Variants in CYFIP2 observed in about 807,000 individuals in gnomAD.
CYFIP2 encodes the protein cytoplasmic FMR1 interacting protein 2, also known as cytoplasmic FMR1-interacting protein 2.
A neutral mutation model predicts 158.7 loss-of-function variants in CYFIP2; 29 were observed. The observed-to-expected ratio is 0.18, with a 90% confidence interval of 0.14 to 0.25. The LOEUF (loss-of-function observed/expected upper bound fraction) is 0.25, where lower values mean the gene tolerates loss of function less well. CYFIP2 is among the 10% of genes least tolerant of loss of function. CYFIP2 has a pLI of 1.00. For missense variants in CYFIP2, 852 were observed against 1,639.5 expected (o/e 0.52, Z 8.29); for synonymous variants, 585 against 617.6 (o/e 0.95, Z 0.78).
intron 26 of CYFIP2, among the ~76,000 whole-genome samples, chr5:157,369,637 G>A (rs936188792): frequency 1.3e-5 from 2 of 152,156 alleles, no homozygotes; most frequent in African/African-American, 4.8e-5. Context: ...CCAGAGCCTT[G>A]GTTATGTAGT....
In CYFIP2 at chr5:157,365,848, C is replaced by T. The variant is rs77865954; in HGVS notation, c.3039+4250C>T. Among the ~76,000 whole-genome samples the T allele has an allele frequency of 1.9e-3, 272 of 143,972 alleles. 1 individual carries two copies. The highest frequency in any genetic ancestry group is 6.6e-3 in the African/African-American group (255 of 38,388). The allele number at this position is 143,972 out of a possible 152,430, so 94.5% of individuals were successfully genotyped here. On this transcript the variant is annotated intron_variant, in intron 26 of 30. Transcript: ENST00000620254. ...TTGTAGATGATCCATTTTTTATTAC[C>T]GAATCAGTTACTCTAGTATTCTCAT...
chr5:157,347,330 T>G (rs1017637525), intron 23 of CYFIP2, among the ~76,000 whole-genome samples: 1 of 148,196 alleles, frequency 6.7e-6, no homozygotes, highest in Non-Finnish European at 1.5e-5. Flanking sequence ...AAGAGCCGCC[T>G]TGGTGAGTTG....
Position 157,393,199 on chromosome 5 carries a change from G to C in CYFIP2, c.*199G>C. The stretch of plus-strand genomic sequence containing the variant: ...ACATCTCCATGCTGGTTTCTCCATA[G>C]CATAAATGAAAAAAAAAAAAAAAAA... On this transcript the variant is annotated 3_prime_UTR_variant, in exon 31 of 31. Coordinates refer to ENST00000620254, the MANE Select transcript of CYFIP2 (RefSeq NM_001037333.3). 2 of 366,230 alleles carry C rather than the reference G, an allele frequency of 5.5e-6. No individual in the cohort carries two copies. The allele number at this position is 366,230 out of a possible 1,614,324, so 22.7% of individuals were successfully genotyped here. A position where few individuals can be genotyped will look rare whatever the true frequency, so the allele number is the denominator to read the frequency against.
At chr5:157,341,654 G>A (rs1762267222) in intron 23 of CYFIP2, 1 of 157,600 alleles carries the variant, frequency 6.3e-6, no homozygotes, top group South Asian at 1.8e-4. Flanking sequence ...GCAAAAGTCT[G>A]GGTGCCGAGC....
chr5:157,296,428 T>C, intron 4 of CYFIP2: 1 of 478,422 alleles, frequency 2.1e-6, no homozygotes, highest in Non-Finnish European at 4.1e-6. Flanking sequence ...ACACCATCCC[T>C]ACACCAACTA....
At chr5:157,388,012 G>A (rs1251023949) in intron 28 of CYFIP2, among the ~76,000 whole-genome samples, 7 of 152,156 alleles carry the variant, frequency 4.6e-5, no homozygotes, top group Admixed American at 2.6e-4. Context: ...GTGAGCTTCC[G>A]GGGTAGGTCA....
chr5:157,272,661 C>A (rs1203268716), intron 1 of CYFIP2, among the ~76,000 whole-genome samples: 1 of 152,110 alleles, frequency 6.6e-6, no homozygotes, highest in African/African-American at 2.4e-5. Context: ...CACTTTCTTA[C>A]ACCATCTCCC....
At position 157,299,332 on chromosome 5, in the gene CYFIP2, G is replaced by A. The variant is rs148804842; in HGVS notation, c.388-1383G>A. 6.0e-3 allele frequency among the ~76,000 whole-genome samples: 909 copies of A among 152,142 alleles called. 5 individuals are homozygous for A. Among genetic ancestry groups the A allele is most frequent in the African/African-American group, 0.021 (856 of 41,514 alleles). On this transcript the variant is annotated intron_variant, in intron 5 of 30. Coordinates refer to ENST00000620254, the MANE Select transcript of CYFIP2 (RefSeq NM_001037333.3). ...ATCTCTCTGCCTCCTTCCTGTACTC[G>A]CTCCGCTTCAGCCACCCTGGCTTCC...
chr5:157,336,058 C>T (rs367720591), intron 21 of CYFIP2, among the ~76,000 whole-genome samples: 21 of 152,154 alleles, frequency 1.4e-4, no homozygotes, highest in African/African-American at 5.1e-4. Context: ...GGGAAGCGCT[C>T]TCCGATGGGT....
At chr5:157,339,603 G>A (rs1386079915) in intron 22 of CYFIP2, among the ~76,000 whole-genome samples, 1 of 152,194 alleles carries the variant, frequency 6.6e-6, no homozygotes, top group Non-Finnish European at 1.5e-5. Flanking sequence ...GGATGTGGGT[G>A]ATCAATCACA....
At chr5:157,392,757 G>A (rs1767436868) in intron 30 of CYFIP2, 76 bp from the exon 31 acceptor site, 2 of 1,531,866 alleles carry the variant, frequency 1.3e-6, no homozygotes, top group East Asian at 2.3e-5. Context: ...CTGGACCTCA[G>A]TGACTTCTCC....
At chr5:157,339,709 A>G (rs1250248136) in intron 22 of CYFIP2, among the ~76,000 whole-genome samples, 6 of 152,236 alleles carry the variant, frequency 3.9e-5, no homozygotes, top group Admixed American at 1.3e-4. Flanking sequence ...CAGTCCAAAA[A>G]GTCATGCAAA....
At chr5:157,272,053 C>T (rs77907011) in intron 1 of CYFIP2, among the ~76,000 whole-genome samples, 2,599 of 152,328 alleles carry the variant, frequency 0.017, 34 homozygotes, top group Non-Finnish European at 0.028. Flanking sequence ...GGTTTGGTGT[C>T]ACCACAAAGG....
Position 157,339,040 on chromosome 5 carries a change from G to C in CYFIP2, c.2386-17G>C. The C allele has an allele frequency of 1.9e-6, 3 of 1,602,064 alleles. No individual in the cohort carries two copies. Among genetic ancestry groups the C allele is most frequent in the Non-Finnish European group, 2.6e-6 (3 of 1,173,106 alleles). ...ACAAGCAAGTCCTCAGCAGTTGTGG[G>C]CTCTCTCTCTGTACAGGAGCTGGAG... On this transcript the variant is annotated splice_polypyrimidine_tract_variant and intron_variant, in intron 21 of 30. Transcript: ENST00000620254.
Position 157,360,056 on chromosome 5 carries a change from G to C in CYFIP2, c.2818-226G>C, listed in dbSNP as rs537381443. 3.9e-5 allele frequency among the ~76,000 whole-genome samples: 6 copies of C among 152,306 alleles called. No homozygotes were observed. In the South Asian group the frequency reaches 1.0e-3, roughly 26 times the overall value. ...TATAAGCATCCTCAGCCCCAGGAAA[G>C]ACCCTACACCTAGAAATGTGCCCTC... On this transcript the variant is annotated intron_variant, in intron 24 of 30. Transcript: ENST00000620254.
chr5:157,290,514 C>T (rs60839968), intron 3 of CYFIP2, among the ~76,000 whole-genome samples: 3,015 of 152,100 alleles, frequency 0.02, 94 homozygotes, highest in African/African-American at 0.068. Flanking sequence ...CACCACCACC[C>T]GCCTACCCCC....
In CYFIP2 at chr5:157,374,225, G is replaced by A. The variant is rs574316351; in HGVS notation, c.3040-8365G>A. 1.7e-3 allele frequency among the ~76,000 whole-genome samples: 261 copies of A among 152,314 alleles called. 1 individual carries two copies. Among genetic ancestry groups the A allele is most frequent in the Non-Finnish European group, 3.0e-3 (207 of 68,020 alleles). ...CTGCTGCCTCTCAATAGTGGTTGAT[G>A]TATGAGGTGACCCCAGGGCCATCAC... On this transcript the variant is annotated intron_variant, in intron 26 of 30. Coordinates refer to ENST00000620254, the MANE Select transcript of CYFIP2 (RefSeq NM_001037333.3).
chr5:157,383,327 G>T lies in CYFIP2; in HGVS notation c.3175G>T (p.Val1059Phe), dbSNP rs780552029. 8 of 1,613,872 alleles carry T rather than the reference G, an allele frequency of 5.0e-6. No individual in the cohort carries two copies. The highest frequency in any genetic ancestry group is 6.8e-6 in the Non-Finnish European group (8 of 1,179,862). The change falls in exon 28 of 31, where the codon GTC becomes TTC. Residue 1059 changes from valine (V) to phenylalanine (F), a missense_variant. Physicochemically the swap from Val to Phe is conservative, Grantham distance 50 (BLOSUM62 -1). This residue lies in a region of CYFIP2 where 223 missense variants were observed against 381.6 expected (regional missense o/e 0.58). Coordinates refer to ENST00000620254, the MANE Select transcript of CYFIP2 (RefSeq NM_001037333.3). ...LEAKYAPLHL[V>F]PLIERLGTPQ... is the part of the protein sequence containing the mutation. ...AGCCAAGTATGCCCCGCTCCACCTG[G>T]TCCCTCTGATCGAGCGGCTGGGGAC...
Position 157,319,920 on chromosome 5 carries a change from C to T in CYFIP2, c.1515C>T (p.Val505=), listed in dbSNP as rs770610650. 1 of 1,613,938 alleles carries T rather than the reference C, an allele frequency of 6.2e-7. No individual in the cohort carries two copies. The highest frequency in any genetic ancestry group is 1.7e-5 in the Admixed American group (1 of 60,026). The change falls in exon 14 of 31, where the codon GTC becomes GTT. Residue 505 remains valine (V), a synonymous_variant. Transcript: ENST00000620254. ...LRQAVRKKKN[V]LISVLQAIRK... is the part of the protein sequence containing the mutation. ...AGGCGGTACGGAAGAAGAAGAATGT[C>T]CTCATCAGGTGGGTTTTCAGATGCC...
Sources: allele counts gnomAD v4.1 joint callset (sites outside exome capture counted in the v4.1 genomes callset), GRCh38; gene constraint gnomAD v4.1.1; regional missense constraint gnomAD v4.1.1; transcripts MANE v1.5; gene names NCBI Gene and HGNC (gene_info 2026-07-23, HGNC 2026-07-21).